ZNF480: variants seen among roughly 807,000 people sequenced by gnomAD.
ZNF480 encodes zinc finger protein 480.
In ZNF480, 15 loss-of-function variants were observed where a neutral mutation model predicts 14.4. The ratio of observed to expected loss-of-function variants is 1.04; its 90% confidence interval spans 0.70 to 1.60. The LOEUF (loss-of-function observed/expected upper bound fraction) is 1.60, where lower values mean the gene tolerates loss of function less well. Ranked by LOEUF, ZNF480 falls within the 40% of genes most tolerant of loss-of-function variation. The pLI is 0.00. For synonymous variants in ZNF480, 218 were observed against 215.5 expected, an observed-to-expected ratio of 1.01 and a Z score of -0.10; for missense variants, 593 against 629.7, an observed-to-expected ratio of 0.94 and a Z score of 0.62.
chr19:52,324,022 A>G lies in ZNF480; in HGVS notation c.*1164A>G, dbSNP rs566770937. ...AGGGGAAGTCAGTTTCTCTTGCAGA[A>G]GATATAATTCTGTATTTAGAAAACC... is the stretch of plus-strand genomic sequence containing the variant. On this transcript the variant is annotated 3_prime_UTR_variant, in exon 5 of 5. Transcript: ENST00000595962. 6.6e-6 allele frequency: 1 copy of G among 152,298 alleles called. No individual in the cohort carries two copies. The highest frequency in any genetic ancestry group is 2.1e-4 in the South Asian group (1 of 4,830). The allele number at this position is 152,298 out of a possible 1,614,324, so 9.4% of individuals were successfully genotyped here.
intron 4 of ZNF480, among the ~76,000 whole-genome samples, chr19:52,318,347 A>C (rs933644641): frequency 6.6e-6 from 1 of 152,134 alleles, no homozygotes; most frequent in Non-Finnish European, 1.5e-5. Flanking sequence ...ACCTCAGGTG[A>C]TCTACCTGCT....
chr19:52,306,013 A>C (rs922247237), intron 2 of ZNF480, among the ~76,000 whole-genome samples: 1 of 152,156 alleles, frequency 6.6e-6, no homozygotes, highest in African/African-American at 2.4e-5. Context: ...CCCAGTTAAA[A>C]CAAGCTCCAG....
intron 2 of ZNF480, among the ~76,000 whole-genome samples, chr19:52,306,515 A>C (rs1163531051): frequency 1.3e-5 from 2 of 152,192 alleles, no homozygotes; most frequent in Non-Finnish European, 2.9e-5. Flanking sequence ...TGGAAGCTTC[A>C]TCTGCCCACC....
intron 3 of ZNF480, among the ~76,000 whole-genome samples, chr19:52,315,284 C>T (rs1983495742): frequency 6.6e-6 from 1 of 151,680 alleles, no homozygotes; most frequent in Non-Finnish European, 1.5e-5. Flanking sequence ...CAGATACCCA[C>T]TTCCCTGTTT....
At chr19:52,314,017 A>G (rs748406190) in intron 2 of ZNF480, 136 bp from the exon 3 acceptor site, 69 of 974,098 alleles carry the variant, frequency 7.1e-5, no homozygotes, top group Non-Finnish European at 9.8e-5. Flanking sequence ...ACACATAACT[A>G]CATCACAGAT....
In ZNF480 at chr19:52,322,352, G is replaced by C. The variant is rs1356816164; in HGVS notation, c.1102G>C (p.Glu368Gln). 3.1e-6 allele frequency: 5 copies of C among 1,613,936 alleles called. No individual in the cohort carries two copies. The East Asian group carries it at 1.1e-4, about 36-fold the overall frequency. Residue 368 changes from glutamate (E) to glutamine (Q), a missense_variant, in exon 5 of 5, where the codon GAG (glutamate) becomes CAG (glutamine). By Grantham distance (29) the Glu-to-Gln change is conservative. Coordinates refer to ENST00000595962, the MANE Select transcript of ZNF480 (RefSeq NM_144684.4). ...ACGACATCAGAAAATTCATACTGGA[G>C]AGAAACCTTACAAATGTAATGAATG... Reference protein sequence around the residue: ...LVRHQKIHTGEKPYKCNECGK... With the variant: ...LVRHQKIHTGQKPYKCNECGK...
chr19:52,297,327 C>G, intron 1 of ZNF480, 104 bp downstream of exon 1: 1 of 393,924 alleles, frequency 2.5e-6, no homozygotes, highest in East Asian at 1.3e-4. Flanking sequence ...TCGCACCGCT[C>G]CCTCTACCCC....
At chr19:52,298,744 A>G (rs1052157682) in intron 1 of ZNF480, among the ~76,000 whole-genome samples, 9 of 152,016 alleles carry the variant, frequency 5.9e-5, no homozygotes, top group African/African-American at 2.2e-4. Flanking sequence ...GAACAGGTGG[A>G]AGAGAAGGAA....
chr19:52,319,811 G>GTGT (rs1319938212), intron 4 of ZNF480, among the ~76,000 whole-genome samples: 1 of 96,900 alleles, frequency 1.0e-5, no homozygotes, highest in African/African-American at 3.6e-5. Flanking sequence ...CTGATACTGT[G>GTGT]TTTTTTTTTT....
rs909974126 is a variant in ZNF480 at position 52,324,701 on chromosome 19, A to G, written c.*1843A>G. 6.6e-6 allele frequency: 1 copy of G among 152,208 alleles called. No individual in the cohort carries two copies. The highest frequency in any genetic ancestry group is 2.4e-5 in the African/African-American group (1 of 41,464). 9.4% of individuals were successfully genotyped at this position (152,208 alleles called of 1,614,324 possible). On this transcript the variant is annotated 3_prime_UTR_variant, in exon 5 of 5. Coordinates refer to ENST00000595962, the MANE Select transcript of ZNF480 (RefSeq NM_144684.4). ...AATGAAGTAAGAACTTCATTCAATA[A>G]GTGGTGCTGGCATAACTGGCTAGCC...
chr19:52,313,807 C>T, intron 2 of ZNF480: 1 of 444,060 alleles, frequency 2.3e-6, no homozygotes, highest in South Asian at 1.6e-5. Context: ...GGTGAAATTC[C>T]ATCTCTACTG....
Position 52,322,868 on chromosome 19 carries a change from A to G in ZNF480, c.*10A>G, listed in dbSNP as rs1983914565. ...AATTCATATGGGATAGAAACTACAA[A>G]TGCAACAAATGCGTCAAAGAATTTA... On this transcript the variant is annotated 3_prime_UTR_variant, in exon 5 of 5. Transcript: ENST00000595962. The G allele has an allele frequency of 1.3e-6, 2 of 1,542,076 alleles. No individual in the cohort carries two copies. The highest frequency in any genetic ancestry group is 3.9e-5 in the Admixed American group (2 of 50,914).
Position 52,300,488 on chromosome 19 carries a change from A to T in ZNF480, c.72+4A>T. 6.2e-7 allele frequency: 1 copy of T among 1,611,516 alleles called. No homozygotes were observed. The highest frequency in any genetic ancestry group is 8.5e-7 in the Non-Finnish European group (1 of 1,179,808). On this transcript the variant is annotated splice_donor_region_variant and intron_variant, in intron 2 of 4. Coordinates refer to ENST00000595962, the MANE Select transcript of ZNF480 (RefSeq NM_144684.4). Reference sequence around the variant, plus strand: ...GTCAGGGATGGCTCTTCCTCAGGTGAGATGATATTCTCGGTGGATTGTTCT... The same window carrying T: ...GTCAGGGATGGCTCTTCCTCAGGTGTGATGATATTCTCGGTGGATTGTTCT...
intron 2 of ZNF480, among the ~76,000 whole-genome samples, chr19:52,305,910 A>G (rs569834717): frequency 1.3e-5 from 2 of 152,290 alleles, no homozygotes; most frequent in South Asian, 2.1e-4. Flanking sequence ...CATTTTGGAC[A>G]TATTTCAGGG....
intron 2 of ZNF480, among the ~76,000 whole-genome samples, chr19:52,303,006 T>C (rs980272075): frequency 6.6e-5 from 10 of 152,230 alleles, no homozygotes; most frequent in Admixed American, 6.5e-4. Flanking sequence ...TGTAACTGGG[T>C]AAATAAAGTC....
At chr19:52,301,310 C>T (rs982070615) in intron 2 of ZNF480, 1 of 152,224 alleles carries the variant, frequency 6.6e-6, no homozygotes. Context: ...GCAGCTCCTT[C>T]AAGCTCTTTA....
chr19:52,305,826 C>T (rs1982901977), intron 2 of ZNF480, among the ~76,000 whole-genome samples: 2 of 152,160 alleles, frequency 1.3e-5, no homozygotes, highest in Admixed American at 6.5e-5. Flanking sequence ...CCCCTCATGG[C>T]GTTTCCTGAA....
rs146196080 is a variant in ZNF480 at position 52,315,849 on chromosome 19, A to G, written c.215A>G (p.Asp72Gly). 1.5e-4 allele frequency: 244 copies of G among 1,611,218 alleles called. No individual in the cohort carries two copies. The highest frequency in any genetic ancestry group is 2.0e-4 in the Non-Finnish European group (234 of 1,178,442). ...NLVSLGISLP[D>G]LNINSMLEQR... is the part of the protein sequence containing the mutation. ...TTACAAACAGGAATCTCTCTTCCTG[A>G]CCTGAATATTAACTCCATGTTGGAG... The change falls in exon 4 of 5, where the codon GAC becomes GGC. Residue 72 changes from aspartate to glycine, a missense_variant. Physicochemically the swap from Asp to Gly is moderately conservative, Grantham distance 94. Coordinates refer to ENST00000595962, the MANE Select transcript of ZNF480 (RefSeq NM_144684.4).
At position 52,297,209 on chromosome 19, in the gene ZNF480, G is replaced by C. The variant is rs1982440288; in HGVS notation, c.-34G>C. On this transcript the variant is annotated 5_prime_UTR_variant, in exon 1 of 5. Coordinates refer to ENST00000595962, the MANE Select transcript of ZNF480 (RefSeq NM_144684.4). ...CGGAAGCGGATCGCGTGGAGTGAAG[G>C]TCACGCCGCGGCGCGTGAGTTTCCC... is the stretch of plus-strand genomic sequence containing the variant. 2.3e-6 allele frequency: 1 copy of C among 440,912 alleles called. No individual in the cohort carries two copies. The highest frequency in any genetic ancestry group is 4.5e-6 in the Non-Finnish European group (1 of 220,602). 27.3% of individuals were successfully genotyped at this position (440,912 alleles called of 1,614,324 possible). A position where few individuals can be genotyped will look rare whatever the true frequency, so the allele number is the denominator to read the frequency against.
Sources: gnomAD v4.1 joint callset for allele counts (sites outside exome capture counted in the v4.1 genomes callset) on GRCh38, gnomAD v4.1.1 for gene constraint, MANE v1.5 for transcripts, NCBI Gene and HGNC (gene_info 2026-07-23, HGNC 2026-07-21) for gene names.